Variants in GABRB1 observed in about 807,000 individuals in gnomAD.
The protein encoded by GABRB1 is gamma-aminobutyric acid type A receptor subunit beta1, also known as gamma-aminobutyric acid receptor subunit beta-1.
A neutral mutation model predicts 51.6 loss-of-function variants in GABRB1; 17 were observed. The ratio of observed to expected loss-of-function variants is 0.33; its 90% CI spans 0.23 to 0.49. The LOEUF is 0.49. Among genes scored for constraint, GABRB1 ranks in the 20% least tolerant of loss-of-function variants. GABRB1 has a pLI of 0.99. For missense variants in GABRB1, 410 were observed against 600.6 expected, an observed-to-expected ratio of 0.68 and a Z score of 3.32; for synonymous variants, 247 against 218.9, an observed-to-expected ratio of 1.13 and a Z score of -1.14.
chr4:47,197,641 C>T (rs1170720311), intron 4 of GABRB1, among the ~76,000 whole-genome samples: 11 of 152,210 alleles, frequency 7.2e-5, no homozygotes, highest in Non-Finnish European at 8.8e-5. Context: ...AGTTATGATT[C>T]TCCCACTGGA....
intron 5 of GABRB1, among the ~76,000 whole-genome samples, chr4:47,355,592 G>A (rs993638094): frequency 6.6e-6 from 1 of 152,166 alleles, no homozygotes; most frequent in African/African-American, 2.4e-5. Context: ...ATTCAACAAG[G>A]CAATACATTG....
At chr4:47,134,026 T>A (rs955839718) in intron 3 of GABRB1, among the ~76,000 whole-genome samples, 1 of 152,200 alleles carries the variant, frequency 6.6e-6, no homozygotes, top group African/African-American at 2.4e-5. Context: ...TTTAAGAACT[T>A]TCAGTCAGTA....
At chr4:47,183,573 C>CA (rs996908054) in intron 4 of GABRB1, among the ~76,000 whole-genome samples, 1 of 151,504 alleles carries the variant, frequency 6.6e-6, no homozygotes, top group Non-Finnish European at 1.5e-5. Flanking sequence ...ATGGAGTTCC[C>CA]ACCTTTCCAC....
At chr4:47,292,075 C>G (rs1287023189) in intron 4 of GABRB1, among the ~76,000 whole-genome samples, 1 of 152,000 alleles carries the variant, frequency 6.6e-6, no homozygotes, top group Non-Finnish European at 1.5e-5. Flanking sequence ...TCTTGAATTC[C>G]CAAGTGTTAT....
chr4:47,329,178 T>A (rs1308185959), intron 5 of GABRB1, among the ~76,000 whole-genome samples: 3 of 152,036 alleles, frequency 2.0e-5, no homozygotes, highest in Non-Finnish European at 4.4e-5. Flanking sequence ...TTTAAGGTAA[T>A]TTCATTCAGA....
intron 4 of GABRB1, among the ~76,000 whole-genome samples, chr4:47,272,645 A>G (rs1722917424): frequency 6.6e-6 from 1 of 152,174 alleles, no homozygotes; most frequent in African/African-American, 2.4e-5. Flanking sequence ...CAAATACTTT[A>G]GGTATTCCTC....
At chr4:47,135,811 A>G (rs998592033) in intron 3 of GABRB1, among the ~76,000 whole-genome samples, 4 of 152,134 alleles carry the variant, frequency 2.6e-5, no homozygotes, top group African/African-American at 9.7e-5. Context: ...TTAAAAAAAA[A>G]CTAAGTAATA....
At chr4:47,064,052 T>C (rs1403689399) in intron 3 of GABRB1, among the ~76,000 whole-genome samples, 1 of 152,088 alleles carries the variant, frequency 6.6e-6, no homozygotes, top group Admixed American at 6.5e-5. Context: ...AACTTAAAAC[T>C]AAAATTAAAT....
At chr4:47,044,112 T>A (rs1725978176) in intron 3 of GABRB1, among the ~76,000 whole-genome samples, 1 of 152,132 alleles carries the variant, frequency 6.6e-6, no homozygotes, top group South Asian at 2.1e-4. Flanking sequence ...TCTTCTGCAT[T>A]TGAAAAGCAT....
chr4:47,153,280 T>C (rs1163162641), intron 3 of GABRB1, among the ~76,000 whole-genome samples: 1 of 151,968 alleles, frequency 6.6e-6, no homozygotes, highest in East Asian at 1.9e-4. Context: ...CAAGCTAAAA[T>C]ATTTTGACTT....
At chr4:47,108,602 G>A (rs1311392826) in intron 3 of GABRB1, among the ~76,000 whole-genome samples, 2 of 151,946 alleles carry the variant, frequency 1.3e-5, no homozygotes, top group East Asian at 3.9e-4. Flanking sequence ...AACAAATAAT[G>A]TATTGCTCTT....
intron 5 of GABRB1, among the ~76,000 whole-genome samples, chr4:47,381,358 A>T (rs1456690944): frequency 6.6e-6 from 1 of 152,146 alleles, no homozygotes; most frequent in African/African-American, 2.4e-5. Flanking sequence ...TGCACCAGTG[A>T]TGTGCTCAAG....
At chr4:47,266,018 G>A (rs1038201974) in intron 4 of GABRB1, among the ~76,000 whole-genome samples, 1 of 151,916 alleles carries the variant, frequency 6.6e-6, no homozygotes, top group South Asian at 2.1e-4. Context: ...TCTTTACTTA[G>A]GCCAATGTCC....
chr4:47,407,438 G>A (rs1728614094), intron 8 of GABRB1, among the ~76,000 whole-genome samples: 1 of 152,252 alleles, frequency 6.6e-6, no homozygotes, highest in East Asian at 1.9e-4. Flanking sequence ...CTATCTCACA[G>A]AGTTGTTTTA....
At chr4:47,406,192 G>A (rs2110054499) in intron 7 of GABRB1, among the ~76,000 whole-genome samples, 2 of 152,282 alleles carry the variant, frequency 1.3e-5, no homozygotes, top group South Asian at 4.1e-4. Context: ...TACTGACCTT[G>A]TAACTTGGGT....
chr4:47,251,508 C>A (rs1399790669), intron 4 of GABRB1, among the ~76,000 whole-genome samples: 1 of 152,030 alleles, frequency 6.6e-6, no homozygotes, highest in South Asian at 2.1e-4. Context: ...CCTAGAACTG[C>A]CAAGATTATA....
chr4:47,044,640 A>G (rs1726006392), intron 3 of GABRB1, among the ~76,000 whole-genome samples: 1 of 151,954 alleles, frequency 6.6e-6, no homozygotes, highest in African/African-American at 2.4e-5. Context: ...AAGTGCTGGT[A>G]TTTTTTATTT....
At position 47,194,867 on chromosome 4, in the gene GABRB1, T is replaced by G. The variant is rs941282160; in HGVS notation, c.461+33398T>G. Among the ~76,000 whole-genome samples the G allele has an allele frequency of 2.0e-5, 3 of 152,286 alleles. No homozygotes were observed. The East Asian group carries it at 5.8e-4, about 29-fold the overall frequency. ...GCCACAGTCAGAGACTACGGAGAAG[T>G]GTCATGAGACCCAGGCAGAGGCTTA... On this transcript the variant is annotated intron_variant, in intron 4 of 8. Transcript: ENST00000295454.
At chr4:47,140,310 G>A (rs557031949) in intron 3 of GABRB1, among the ~76,000 whole-genome samples, 1 of 151,920 alleles carries the variant, frequency 6.6e-6, no homozygotes, top group Non-Finnish European at 1.5e-5. Flanking sequence ...AAATATAACA[G>A]AGAAAGCCTA....
Sources: gnomAD v4.1 joint callset for allele counts (sites outside exome capture counted in the v4.1 genomes callset) on GRCh38, gnomAD v4.1.1 for gene constraint, MANE v1.5 for transcripts, NCBI Gene and HGNC (gene_info 2026-07-23, HGNC 2026-07-21) for gene names.